The following DLGAP4 variants were observed in gnomAD, a reference collection of about 807,000 sequenced individuals.
DLGAP4 encodes the protein disks large-associated protein 4.
DLGAP4 carries 18 observed loss-of-function variants against 86.9 expected under a neutral mutation model. The observed-to-expected ratio is 0.21, with a 90% CI of 0.14 to 0.31. The LOEUF is 0.31. Among genes scored for constraint, DLGAP4 ranks in the 10% least tolerant of loss-of-function variants. The pLI is 1.00. For missense variants in DLGAP4, 1,085 were observed against 1,362.6 expected, an observed-to-expected ratio of 0.80 and a Z score of 3.21; for synonymous variants, 548 against 574.3, an observed-to-expected ratio of 0.95 and a Z score of 0.65.
chr20:36,488,562 T>C (rs961377234), intron 7 of DLGAP4, among the ~76,000 whole-genome samples: 2 of 152,086 alleles, frequency 1.3e-5, no homozygotes, highest in Non-Finnish European at 2.9e-5. Context: ...CCTTGTTTTA[T>C]GTGTGTCTCT....
At chr20:36,507,104 A>C (rs2036418321) in intron 10 of DLGAP4, among the ~76,000 whole-genome samples, 1 of 152,134 alleles carries the variant, frequency 6.6e-6, no homozygotes. Context: ...GGCCGTTGTG[A>C]ATAATGTTTC....
At chr20:36,423,503 G>T (rs1347468560) in intron 2 of DLGAP4, among the ~76,000 whole-genome samples, 6 of 147,256 alleles carry the variant, frequency 4.1e-5, no homozygotes, top group African/African-American at 1.3e-4. Flanking sequence ...TTGAATACAG[G>T]TCCAACTACA....
At chr20:36,469,065 T>C (rs763103402) in intron 7 of DLGAP4, among the ~76,000 whole-genome samples, 22 of 152,218 alleles carry the variant, frequency 1.4e-4, no homozygotes, top group Non-Finnish European at 3.1e-4. Context: ...GTATTACTAT[T>C]CTTATCATCC....
intron 7 of DLGAP4, among the ~76,000 whole-genome samples, chr20:36,475,753 A>G (rs1180673379): frequency 1.3e-5 from 2 of 152,190 alleles, no homozygotes; most frequent in Non-Finnish European, 1.5e-5. Context: ...TGTGACTTTT[A>G]GGTTTGGAAT....
chr20:36,373,071 T>A (rs2031007316), intron 2 of DLGAP4, among the ~76,000 whole-genome samples: 1 of 152,154 alleles, frequency 6.6e-6, no homozygotes, highest in Admixed American at 6.5e-5. Flanking sequence ...AGAAGAGTAG[T>A]CATTAAACTG....
chr20:36,309,704 C>A (rs960070944), intron 1 of DLGAP4, among the ~76,000 whole-genome samples: 47 of 152,370 alleles, frequency 3.1e-4, no homozygotes, highest in African/African-American at 1.1e-3. Context: ...TTGCTCACAT[C>A]ATCACCTGTT....
intron 10 of DLGAP4, among the ~76,000 whole-genome samples, chr20:36,507,479 C>T (rs1170912691): frequency 6.6e-6 from 1 of 152,158 alleles, no homozygotes; most frequent in Admixed American, 6.5e-5. Flanking sequence ...CTGCCCACCT[C>T]GCCCTCCCAA....
intron 7 of DLGAP4, chr20:36,461,758 C>T (rs1415436466): frequency 1.6e-6 from 1 of 618,402 alleles, no homozygotes. Flanking sequence ...TCCGCCCGCC[C>T]GCCCGCCCGC....
chr20:36,421,557 G>A (rs890276558), intron 2 of DLGAP4, among the ~76,000 whole-genome samples: 3 of 152,054 alleles, frequency 2.0e-5, no homozygotes, highest in Non-Finnish European at 2.9e-5. Flanking sequence ...GTGGGGACTC[G>A]GCCTGGGGCA....
chr20:36,471,171 T>G (rs907225558), intron 7 of DLGAP4, among the ~76,000 whole-genome samples: 3 of 152,150 alleles, frequency 2.0e-5, no homozygotes, highest in African/African-American at 7.2e-5. Context: ...TTAGCAACGG[T>G]GAAGCCAGTG....
chr20:36,463,887 G>T (rs533659614), intron 7 of DLGAP4, among the ~76,000 whole-genome samples: 1 of 152,170 alleles, frequency 6.6e-6, no homozygotes, highest in African/African-American at 2.4e-5. Context: ...CAAGCGCCTT[G>T]TCTTACAGAT....
rs1007108826 is a variant in DLGAP4, at chr20:36,432,533, A to G, written c.816A>G (p.Ala272=). The G allele has an allele frequency of 2.0e-6, 3 of 1,509,420 alleles. No individual in the cohort carries two copies. In the African/African-American group the frequency reaches 4.3e-5, roughly 22 times the overall value. The allele number at this position is 1,509,420 out of a possible 1,614,324, so 93.5% of individuals were successfully genotyped here. ...TGACTGCCCCACCACCCCCGCCCGCACCCCCAGCCACCTGCCCCAGCCTTG... is the reference window on the plus strand; with the variant it reads ...TGACTGCCCCACCACCCCCGCCCGCGCCCCCAGCCACCTGCCCCAGCCTTG... The part of the protein sequence containing the change: ...TELTAPPPPP[A]PPATCPSLGV... The change falls in exon 3 of 13, where the codon GCA becomes GCG. Residue 272 remains alanine (A), a synonymous_variant. Transcript: ENST00000339266. This position sits in a 1 kb window ranked among gnomAD's most constrained non-coding sequence, Gnocchi z 6.5.
chr20:36,440,260 C>G (rs1332337013), intron 5 of DLGAP4, among the ~76,000 whole-genome samples: 1 of 152,148 alleles, frequency 6.6e-6, no homozygotes, highest in African/African-American at 2.4e-5. Context: ...CCTGATTTAC[C>G]AGAGGAGGGT....
intron 3 of DLGAP4, among the ~76,000 whole-genome samples, chr20:36,434,305 T>G (rs1349395058): frequency 1.3e-5 from 2 of 152,230 alleles, no homozygotes; most frequent in Non-Finnish European, 2.9e-5. Context: ...TCTTATCATC[T>G]TATATGAAAT....
chr20:36,507,256 C>T (rs1445780546), intron 10 of DLGAP4, among the ~76,000 whole-genome samples: 4 of 151,676 alleles, frequency 2.6e-5, no homozygotes, highest in Admixed American at 6.6e-5. Context: ...GAGACAGAGT[C>T]GCACTCTGTT....
In DLGAP4 at chr20:36,525,853, C is replaced by A; in HGVS notation, c.2607C>A (p.Asn869Lys). The change falls in exon 12 of 13, where the codon AAC becomes AAA. Residue 869 changes from asparagine to lysine, a missense_variant and splice_region_variant. Asn to Lys is a moderately conservative substitution (Grantham distance 94). This residue lies in a region of DLGAP4 where 1,082 missense variants were observed against 1,344.1 expected (regional missense o/e 0.81). Transcript: ENST00000339266. Reference sequence around the variant, plus strand: ...ACTGATCCCCATCTGGCCCACAGAACCCTGATGCCAACCCACGCCCCACAG... The same window carrying A: ...ACTGATCCCCATCTGGCCCACAGAAACCTGATGCCAACCCACGCCCCACAG... ...QFRGLCEQNL[N>K]PDANPRPTAQ... 6.2e-7 allele frequency: 1 copy of A among 1,613,116 alleles called. No homozygotes were observed. The highest frequency in any genetic ancestry group is 8.5e-7 in the Non-Finnish European group (1 of 1,179,940).
intron 1 of DLGAP4, among the ~76,000 whole-genome samples, chr20:36,352,198 G>T (rs1356301347): frequency 6.6e-6 from 1 of 152,100 alleles, no homozygotes; most frequent in African/African-American, 2.4e-5. Context: ...GGGAAGGAGG[G>T]CATGATGGTG....
chr20:36,343,215 A>G (rs1367969017), intron 1 of DLGAP4, among the ~76,000 whole-genome samples: 2 of 152,196 alleles, frequency 1.3e-5, no homozygotes, highest in African/African-American at 2.4e-5. Context: ...TGTGGAAGGC[A>G]GGGAGTCTGA....
intron 2 of DLGAP4, among the ~76,000 whole-genome samples, chr20:36,427,053 A>T (rs1011728294): frequency 6.6e-6 from 1 of 152,026 alleles, no homozygotes; most frequent in Non-Finnish European, 1.5e-5. Flanking sequence ...TTAGCTGGGC[A>T]TGTACCTATA....
Sources: gnomAD v4.1 joint callset for allele counts (sites outside exome capture counted in the v4.1 genomes callset) on GRCh38, gnomAD v4.1.1 for gene constraint, gnomAD v4.1.1 regional missense constraint, Gnocchi (gnomAD v3.1) non-coding constraint, MANE v1.5 for transcripts, NCBI Gene and HGNC (gene_info 2026-07-23, HGNC 2026-07-21) for gene names.